TTC21B: variants seen among roughly 807,000 people sequenced by gnomAD.
TTC21B encodes the protein tetratricopeptide repeat domain 21B.
In TTC21B, 127 loss-of-function variants were observed where a neutral mutation model predicts 175.1. The ratio of observed to expected loss-of-function variants is 0.73; its 90% CI spans 0.63 to 0.84. The LOEUF (loss-of-function observed/expected upper bound fraction) is 0.84. Among genes scored for constraint, TTC21B ranks in the 40% least tolerant of loss-of-function variants. TTC21B has a pLI of 0.00. For missense variants in TTC21B, 1,561 were observed against 1,558.3 expected (o/e 1.00, Z -0.03); for synonymous variants, 524 against 524.5 (o/e 1.00, Z 0.01).
chr2:165,943,892 T>A (rs35813753), intron 4 of TTC21B, among the ~76,000 whole-genome samples: 1 of 152,158 alleles, frequency 6.6e-6, no homozygotes, highest in Admixed American at 6.5e-5. Flanking sequence ...TCTTTACACA[T>A]GTTAGTGGGC....
intron 6 of TTC21B, chr2:165,933,982 T>G (rs1181441222): frequency 6.6e-6 from 1 of 152,136 alleles, no homozygotes; most frequent in Non-Finnish European, 1.5e-5. Flanking sequence ...CAAACTGCAA[T>G]GATGTGCCAC....
chr2:165,927,269 GTTATATATATATATATCCTA>G (rs1559064769), intron 11 of TTC21B, among the ~76,000 whole-genome samples: 636 of 45,330 alleles, frequency 0.014, 56 homozygotes, highest in African/African-American at 0.048. Flanking sequence ...TATCCTAGTA[GTTATATATATATATATCCTA>G]GTAGTTATAT....
At chr2:165,897,578 T>C (rs1685413325) in intron 22 of TTC21B, among the ~76,000 whole-genome samples, 1 of 152,164 alleles carries the variant, frequency 6.6e-6, no homozygotes, top group East Asian at 1.9e-4. Flanking sequence ...CCTAGACATC[T>C]GAGTGGGAAT....
At chr2:165,889,588 C>T (rs1357048371) in intron 24 of TTC21B, among the ~76,000 whole-genome samples, 1 of 152,034 alleles carries the variant, frequency 6.6e-6, no homozygotes, top group Non-Finnish European at 1.5e-5. Context: ...GTTACCTCAA[C>T]CTTCCTAAAA....
chr2:165,881,335 C>A (rs1012186799), intron 26 of TTC21B, among the ~76,000 whole-genome samples: 2 of 152,226 alleles, frequency 1.3e-5, no homozygotes, highest in South Asian at 2.1e-4. Flanking sequence ...TCCTTAATAG[C>A]ACCAAATATC....
At chr2:165,908,993 A>AT (rs1177824537) in intron 18 of TTC21B, among the ~76,000 whole-genome samples, 4 of 152,294 alleles carry the variant, frequency 2.6e-5, no homozygotes, top group African/African-American at 9.6e-5. Flanking sequence ...CATTTTGAAA[A>AT]TATCAGAAAA....
chr2:165,927,308 T>A lies in TTC21B; in HGVS notation c.1386+1827A>T, dbSNP rs1199381983. ...TATCCTAGTAGTTATATATATATAT[T>A]ATATATTATATAATATATATATAAT... is the stretch of plus-strand genomic sequence containing the variant. On this transcript the variant is annotated intron_variant, in intron 11 of 28. Coordinates refer to ENST00000243344, the MANE Select transcript of TTC21B (RefSeq NM_024753.5). Among the ~76,000 whole-genome samples the A allele has an allele frequency of 3.3e-3, 162 of 49,008 alleles. 1 individual carries two copies. The highest frequency in any genetic ancestry group is 6.7e-3 in the Non-Finnish European group (135 of 20,156). The allele number at this position is 49,008 out of a possible 152,430, so 32.2% of individuals were successfully genotyped here.
chr2:165,895,787 A>G (rs899466848), intron 22 of TTC21B, among the ~76,000 whole-genome samples: 6 of 152,166 alleles, frequency 3.9e-5, no homozygotes, highest in African/African-American at 1.2e-4. Flanking sequence ...ATTCTTTTAA[A>G]TAACATCTGA....
At chr2:165,891,310 T>A (rs965152511) in intron 22 of TTC21B, among the ~76,000 whole-genome samples, 1 of 152,148 alleles carries the variant, frequency 6.6e-6, no homozygotes, top group African/African-American at 2.4e-5. Context: ...GACTTTCAAC[T>A]GTGAAGTTCA....
At position 165,949,496 on chromosome 2, in the gene TTC21B, G is replaced by C; in HGVS notation, c.160C>G (p.Gln54Glu). Residue 54 changes from glutamine (Q) to glutamate (E), a missense_variant, in exon 3 of 29, where the codon CAA (glutamine) becomes GAA (glutamate). Coordinates refer to ENST00000243344, the MANE Select transcript of TTC21B (RefSeq NM_024753.5). ...AYGTLMEGKT[Q>E]EALREFEAIK... ...GCCTCAAATTCTCGAAGAGCTTCTT[G>C]AGTTTTACCTGAAAATCAAGATTAT... The C allele has an allele frequency of 1.2e-6, 2 of 1,613,708 alleles. No individual in the cohort carries two copies. Among genetic ancestry groups the C allele is most frequent in the Non-Finnish European group, 1.7e-6 (2 of 1,179,778 alleles).
chr2:165,916,546 C>T (rs1240951610), intron 14 of TTC21B, among the ~76,000 whole-genome samples: 2 of 152,146 alleles, frequency 1.3e-5, no homozygotes, highest in South Asian at 4.1e-4. Context: ...TTTGTCTCCT[C>T]ATCTACTAGA....
intron 22 of TTC21B, among the ~76,000 whole-genome samples, chr2:165,897,738 C>T (rs952935820): frequency 5.9e-5 from 9 of 152,000 alleles, no homozygotes; most frequent in Non-Finnish European, 8.8e-5. Context: ...ACTGAAGCTA[C>T]GAGTGTTCTA....
At chr2:165,924,778 C>T (rs1395832050) in intron 11 of TTC21B, 100 bp from the exon 12 acceptor site, 17 of 1,340,638 alleles carry the variant, frequency 1.3e-5, no homozygotes, top group East Asian at 2.7e-5. Flanking sequence ...AAGCTATATA[C>T]ATTTTTCTAA....
chr2:165,914,645 A>G (rs1686075757), intron 15 of TTC21B, among the ~76,000 whole-genome samples: 1 of 45,900 alleles, frequency 2.2e-5, no homozygotes, highest in Non-Finnish European at 4.3e-5. Context: ...TGGGGAGAAG[A>G]GGAAGAGCAA....
chr2:165,913,721 T>A, intron 15 of TTC21B, 75 bp from the exon 16 acceptor site: 1 of 1,277,012 alleles, frequency 7.8e-7, no homozygotes, highest in Admixed American at 1.8e-5. Context: ...AAATAAAAAA[T>A]AAGCTCCCTT....
chr2:165,901,735 T>A lies in TTC21B; in HGVS notation c.2744A>T (p.Glu915Val). 6.2e-7 allele frequency: 1 copy of A among 1,614,064 alleles called. No homozygotes were observed. The highest frequency in any genetic ancestry group is 8.5e-7 in the Non-Finnish European group (1 of 1,179,924). Residue 915 changes from glutamate to valine, a missense_variant, in exon 20 of 29, where the codon GAA becomes GTA. By Grantham distance (121) the Glu-to-Val change is moderately radical. Coordinates refer to ENST00000243344, the MANE Select transcript of TTC21B (RefSeq NM_024753.5). Reference sequence around the variant, plus strand: ...AAAGGTACTGACCTTATTATCTGTTTCGCAGTGAACCAGAGCCTCTCTATA... The same window carrying A: ...AAAGGTACTGACCTTATTATCTGTTACGCAGTGAACCAGAGCCTCTCTATA... The part of the protein sequence containing the change: ...KFYREALVHC[E>V]TDNKIMLELA...
chr2:165,911,233 A>G, intron 18 of TTC21B, 94 bp downstream of exon 18: 2 of 1,477,082 alleles, frequency 1.4e-6, no homozygotes, highest in Non-Finnish European at 1.9e-6. Context: ...AACCACAAAT[A>G]AAATATTGAG....
At position 165,953,738 on chromosome 2, in the gene TTC21B, G is replaced by T; in HGVS notation, c.-33C>A. 3 of 1,548,794 alleles carry T rather than the reference G, an allele frequency of 1.9e-6. No individual in the cohort carries two copies. The highest frequency in any genetic ancestry group is 2.6e-6 in the Non-Finnish European group (3 of 1,146,368). On this transcript the variant is annotated 5_prime_UTR_variant, in exon 1 of 29. Coordinates refer to ENST00000243344, the MANE Select transcript of TTC21B (RefSeq NM_024753.5). Reference sequence around the variant, plus strand: ...CCGAGGCCGGGCCGCGGGGCTCTGGGGATTGTCTCGCCGCAGCCTAAAGGA... The same window carrying T: ...CCGAGGCCGGGCCGCGGGGCTCTGGTGATTGTCTCGCCGCAGCCTAAAGGA...
chr2:165,920,745 C>CTAAATATTTAAAATATTTTGAAATATTT (rs11270678), intron 12 of TTC21B, among the ~76,000 whole-genome samples: 50,552 of 135,594 alleles, frequency 0.37, 10,743 homozygotes, highest in Middle Eastern at 0.47. Flanking sequence ...GGGTAGGATA[C>CTAAATATTTAAAATATTTTGAAATATTT]TAAATATTTA....
Sources: gnomAD v4.1 joint callset for allele counts (sites outside exome capture counted in the v4.1 genomes callset) on GRCh38, gnomAD v4.1.1 for gene constraint, MANE v1.5 for transcripts, NCBI Gene and HGNC (gene_info 2026-07-23, HGNC 2026-07-21) for gene names.